ZEB1: variants seen among roughly 807,000 people sequenced by gnomAD.
The protein encoded by ZEB1 is zinc finger E-box binding homeobox 1.
In ZEB1, 21 loss-of-function variants were observed where a neutral mutation model predicts 84.9. The ratio of observed to expected loss-of-function variants is 0.25; its 90% confidence interval spans 0.18 to 0.36. The LOEUF (loss-of-function observed/expected upper bound fraction) is 0.36, where lower values mean the gene tolerates loss of function less well. Ranked by LOEUF, ZEB1 falls within the 10% of genes least tolerant of loss-of-function variation. ZEB1 has a pLI of 1.00. For synonymous variants in ZEB1, 420 were observed against 471.1 expected (o/e 0.89, Z 1.41); for missense variants, 1,104 against 1,330.2 (o/e 0.83, Z 2.65).
intron 1 of ZEB1, among the ~76,000 whole-genome samples, chr10:31,448,032 C>T (rs1313535872): frequency 6.0e-5 from 9 of 149,978 alleles, no homozygotes; most frequent in Non-Finnish European, 1.3e-4. Context: ...CCATTCTCCC[C>T]ATCACTTTCA....
Position 31,363,265 on chromosome 10 carries a change from A to G in ZEB1, c.58+43973A>G, listed in dbSNP as rs1368123148. ...GGAGCAGCCCGGAACTGGGGCAGGG[A>G]GCACTGTTGGAAGTGGGTCAGGCTT... On this transcript the variant is annotated intron_variant, in intron 1 of 8. Transcript: ENST00000424869. 5 of 1,533,688 alleles carry G rather than the reference A, an allele frequency of 3.3e-6. No homozygotes were observed. The East Asian group carries it at 1.2e-4, about 38-fold the overall frequency.
intron 1 of ZEB1, among the ~76,000 whole-genome samples, chr10:31,427,228 T>A (rs1264130940): frequency 6.6e-6 from 1 of 152,186 alleles, no homozygotes; most frequent in East Asian, 1.9e-4. Flanking sequence ...AGAGTCAGTA[T>A]CCTGGATATA....
intron 1 of ZEB1, among the ~76,000 whole-genome samples, chr10:31,400,722 CTT>C (rs965859407): frequency 2.0e-5 from 3 of 152,002 alleles, no homozygotes; most frequent in Admixed American, 1.3e-4. Flanking sequence ...TGTTCTGTGT[CTT>C]ATAAGTTTTC....
intron 6 of ZEB1, among the ~76,000 whole-genome samples, chr10:31,519,282 G>A (rs2071801905): frequency 6.6e-6 from 1 of 152,206 alleles, no homozygotes; most frequent in African/African-American, 2.4e-5. Flanking sequence ...ATTCCATTTA[G>A]CTCGGTGCTT....
At chr10:31,374,262 G>T (rs750611153) in intron 1 of ZEB1, among the ~76,000 whole-genome samples, 28 of 151,636 alleles carry the variant, frequency 1.8e-4, no homozygotes, top group Non-Finnish European at 3.5e-4. Context: ...ATTGAATCTG[G>T]CCATGTTCTT....
chr10:31,330,949 G>T (rs770668550), intron 1 of ZEB1, among the ~76,000 whole-genome samples: 1 of 151,464 alleles, frequency 6.6e-6, no homozygotes, highest in Non-Finnish European at 1.5e-5. Context: ...TTTTAGCTCT[G>T]TGTCTGTCTT....
At chr10:31,419,047 C>A (rs1023311312) in intron 1 of ZEB1, among the ~76,000 whole-genome samples, 16 of 152,076 alleles carry the variant, frequency 1.1e-4, no homozygotes, top group African/African-American at 3.4e-4. Context: ...TTTCTCTGAG[C>A]AAAATAGACA....
intron 8 of ZEB1, 40 bp downstream of exon 8, chr10:31,524,153 A>G (rs934997641): frequency 6.4e-7 from 1 of 1,572,004 alleles, no homozygotes; most frequent in East Asian, 2.2e-5. Context: ...CCATGATATG[A>G]TATACTGGAA....
At chr10:31,419,808 T>C (rs917791038) in intron 1 of ZEB1, among the ~76,000 whole-genome samples, 1 of 152,176 alleles carries the variant, frequency 6.6e-6, no homozygotes, top group African/African-American at 2.4e-5. Context: ...AGGTACTGGC[T>C]GAGAGCTGAG....
upstream of ZEB1, chr10:31,319,033 C>T: frequency 3.2e-6 from 2 of 627,928 alleles, no homozygotes; most frequent in Non-Finnish European, 2.9e-6. Flanking sequence ...CCACGGTTGC[C>T]GCAAACCGCC....
chr10:31,364,438 C>T (rs1270797451), intron 1 of ZEB1, among the ~76,000 whole-genome samples: 1 of 152,174 alleles, frequency 6.6e-6, no homozygotes, highest in Non-Finnish European at 1.5e-5. Context: ...TTTTGGCCGG[C>T]CCTGTCCCCC....
intron 2 of ZEB1, among the ~76,000 whole-genome samples, chr10:31,487,530 A>G (rs920800089): frequency 2.0e-5 from 3 of 151,380 alleles, no homozygotes; most frequent in Admixed American, 1.3e-4. Flanking sequence ...AATGGCTTGA[A>G]GTTTTTTTCT....
chr10:31,509,472 A>G (rs1361218355), intron 4 of ZEB1, among the ~76,000 whole-genome samples: 1 of 152,116 alleles, frequency 6.6e-6, no homozygotes, highest in African/African-American at 2.4e-5. Flanking sequence ...TAGATGATCT[A>G]TGTGAAGTGT....
At chr10:31,465,098 A>C (rs1325183922) in intron 2 of ZEB1, among the ~76,000 whole-genome samples, 1 of 152,198 alleles carries the variant, frequency 6.6e-6, no homozygotes, top group Non-Finnish European at 1.5e-5. Flanking sequence ...TTGTAACTCA[A>C]AGGATAAATA....
intron 4 of ZEB1, 130 bp downstream of exon 4, chr10:31,502,639 GAGAGT>G: frequency 9.2e-7 from 1 of 1,084,354 alleles, no homozygotes; most frequent in Non-Finnish European, 1.4e-6. Flanking sequence ...GGTGCCTATA[GAGAGT>G]AATCTGTTTT....
chr10:31,469,169 T>G (rs1215778417), intron 2 of ZEB1, among the ~76,000 whole-genome samples: 1 of 152,112 alleles, frequency 6.6e-6, no homozygotes, highest in Non-Finnish European at 1.5e-5. Flanking sequence ...AGAAGAAAGA[T>G]TTCAGAGCTT....
chr10:31,332,380 G>A (rs2036990819), intron 1 of ZEB1, among the ~76,000 whole-genome samples: 1 of 151,930 alleles, frequency 6.6e-6, no homozygotes, highest in Non-Finnish European at 1.5e-5. Flanking sequence ...ACAAACCTAT[G>A]GAATAAAATG....
chr10:31,413,140 G>T (rs564727757), intron 1 of ZEB1, among the ~76,000 whole-genome samples: 1 of 152,226 alleles, frequency 6.6e-6, no homozygotes, highest in Admixed American at 6.5e-5. Flanking sequence ...ATTATTACAA[G>T]ATATTAACTG....
chr10:31,484,079 A>AGGTC (rs1487374165), intron 2 of ZEB1, among the ~76,000 whole-genome samples: 2 of 151,984 alleles, frequency 1.3e-5, no homozygotes, highest in Non-Finnish European at 2.9e-5. Flanking sequence ...CCAGGAAAAC[A>AGGTC]GGTCAAGTTT....
Sources: allele counts gnomAD v4.1 joint callset (sites outside exome capture counted in the v4.1 genomes callset), GRCh38; gene constraint gnomAD v4.1.1; transcripts MANE v1.5; gene names NCBI Gene and HGNC (gene_info 2026-07-23, HGNC 2026-07-21).